The following WDR19 variants were observed in gnomAD, a reference collection of about 807,000 sequenced individuals.
WDR19 encodes the protein WD repeat-containing protein 19.
A neutral mutation model predicts 180.0 loss-of-function variants in WDR19; 121 were observed. The ratio of observed to expected loss-of-function variants is 0.67; its 90% confidence interval spans 0.58 to 0.78. The LOEUF is 0.78. Ranked by LOEUF, WDR19 falls within the 30% of genes least tolerant of loss-of-function variation. WDR19 has a pLI of 0.00. For missense variants in WDR19, 1,450 were observed against 1,640.7 expected (o/e 0.88, Z 2.01); for synonymous variants, 497 against 540.7 (o/e 0.92, Z 1.12).
chr4:39,253,208 A>C lies in WDR19; in HGVS notation c.2792A>C (p.Tyr931Ser), dbSNP rs187546086. 9,044 of 1,613,688 alleles carry C rather than the reference A, an allele frequency of 5.6e-3. 31 individuals carry two copies. Among genetic ancestry groups the C allele is most frequent in the Non-Finnish European group, 7.4e-3 (8,717 of 1,179,762 alleles). ...AKQWQSVIRI[Y>S]LDHLNNPEKA... ...CAGTGGCAAAGTGTAATCCGCATCT[A>C]TCTGGATCACCTCAATAATCCTGAA... The change falls in exon 25 of 37, where the codon TAT (tyrosine) becomes TCT (serine). Residue 931 changes from tyrosine to serine, a missense_variant. Coordinates refer to ENST00000399820, the MANE Select transcript of WDR19 (RefSeq NM_025132.4).
chr4:39,254,094 T>C, intron 26 of WDR19, 64 bp downstream of exon 26: 3 of 1,533,182 alleles, frequency 2.0e-6, no homozygotes, highest in Non-Finnish European at 2.7e-6. Context: ...TTGTCTCTTA[T>C]GATCTAATTA....
intron 19 of WDR19, among the ~76,000 whole-genome samples, chr4:39,234,262 G>A (rs1203233970): frequency 6.6e-6 from 1 of 152,046 alleles, no homozygotes; most frequent in African/African-American, 2.4e-5. Flanking sequence ...GTACCAGGCA[G>A]AGAAAAAAGA....
intron 17 of WDR19, among the ~76,000 whole-genome samples, chr4:39,230,643 G>A (rs1408314264): frequency 6.6e-6 from 1 of 152,172 alleles, no homozygotes; most frequent in Non-Finnish European, 1.5e-5. Flanking sequence ...CTATGCTATA[G>A]TCATTTGTTT....
At chr4:39,232,763 T>TAA (rs2109370396) in intron 19 of WDR19, among the ~76,000 whole-genome samples, 1 of 152,006 alleles carries the variant, frequency 6.6e-6, no homozygotes, top group African/African-American at 2.4e-5. Flanking sequence ...TCTATATAAT[T>TAA]AAAATTTCTC....
chr4:39,255,210 T>G (rs1733629623), intron 26 of WDR19, among the ~76,000 whole-genome samples: 1 of 152,214 alleles, frequency 6.6e-6, no homozygotes, highest in Admixed American at 6.5e-5. Flanking sequence ...ATGGTTTGTC[T>G]TATATAAGAT....
At chr4:39,251,982 A>G (rs1294116103) in intron 24 of WDR19, among the ~76,000 whole-genome samples, 1 of 152,180 alleles carries the variant, frequency 6.6e-6, no homozygotes, top group Non-Finnish European at 1.5e-5. Flanking sequence ...TAGAAACACC[A>G]TTTGACCCAG....
At position 39,228,524 on chromosome 4, in the gene WDR19, T is replaced by C. The variant is rs2109358423; in HGVS notation, c.1816T>C (p.Phe606Leu). The C allele has an allele frequency of 6.2e-7, 1 of 1,613,892 alleles. No homozygotes were observed. The highest frequency in any genetic ancestry group is 8.5e-7 in the Non-Finnish European group (1 of 1,179,806). ...TTTGGCTGGTAGCACCAAAGTTCCT[T>C]TTGCTCATAAACCTTTGCTGCTATA... The part of the protein sequence containing the change: ...VILAGSTKVP[F>L]AHKPLLLYNG... The change falls in exon 17 of 37, where the codon TTT becomes CTT. Residue 606 changes from phenylalanine to leucine, a missense_variant. Transcript: ENST00000399820.
intron 9 of WDR19, among the ~76,000 whole-genome samples, chr4:39,212,134 A>G (rs572449919): frequency 6.6e-6 from 1 of 152,370 alleles, no homozygotes; most frequent in African/African-American, 2.4e-5. Flanking sequence ...AGGAAAAGAC[A>G]TATCAATCAA....
At chr4:39,254,763 G>A (rs1032240448) in intron 26 of WDR19, among the ~76,000 whole-genome samples, 2 of 152,134 alleles carry the variant, frequency 1.3e-5, no homozygotes, top group East Asian at 1.9e-4. Context: ...CCCTGTACCC[G>A]TTAAATAATA....
chr4:39,285,180 A>T (rs958944191), intron 36 of WDR19, among the ~76,000 whole-genome samples: 52 of 152,062 alleles, frequency 3.4e-4, no homozygotes, highest in African/African-American at 1.2e-3. Flanking sequence ...TTTCAGGAAA[A>T]TTTTTTCTCT....
chr4:39,242,038 C>G (rs1381297683), intron 21 of WDR19, among the ~76,000 whole-genome samples: 1 of 150,930 alleles, frequency 6.6e-6, no homozygotes, highest in Non-Finnish European at 1.5e-5. Context: ...TTCTTCATGG[C>G]CTTTCCAAGT....
At position 39,228,613 on chromosome 4, in the gene WDR19, T is replaced by A; in HGVS notation, c.1905T>A (p.His635Gln). 6.2e-7 allele frequency: 1 copy of A among 1,613,594 alleles called. No homozygotes were observed. The highest frequency in any genetic ancestry group is 1.1e-5 in the South Asian group (1 of 90,976). The change falls in exon 17 of 37, where the codon CAT (histidine) becomes CAA (glutamine). Residue 635 changes from histidine to glutamine, a missense_variant. Physicochemically the swap from His to Gln is conservative, Grantham distance 24. Coordinates refer to ENST00000399820, the MANE Select transcript of WDR19 (RefSeq NM_025132.4). ...TAAACAACATCTACCTTAGCACCCATGGCTTTCTCAGCAACTTAAAAGATA... is the reference window on the plus strand; with the variant it reads ...TAAACAACATCTACCTTAGCACCCAAGGCTTTCTCAGCAACTTAAAAGATA... ...GKVNNIYLST[H>Q]GFLSNLKDTG...
At chr4:39,193,050 G>GA (rs935692300) in intron 4 of WDR19, among the ~76,000 whole-genome samples, 2 of 151,644 alleles carry the variant, frequency 1.3e-5, no homozygotes, top group African/African-American at 4.8e-5. Context: ...TTTAAAAAAG[G>GA]AAAAAAAGAT....
At chr4:39,265,714 G>A (rs1734718900) in intron 28 of WDR19, among the ~76,000 whole-genome samples, 1 of 146,094 alleles carries the variant, frequency 6.8e-6, no homozygotes, top group South Asian at 2.2e-4. Context: ...GGAGATTGCA[G>A]TGAGCCAAGA....
At chr4:39,270,858 C>A (rs1458748033) in intron 31 of WDR19, among the ~76,000 whole-genome samples, 2 of 151,132 alleles carry the variant, frequency 1.3e-5, no homozygotes, top group South Asian at 2.1e-4. Flanking sequence ...AAAAATAATA[C>A]ATATTCCCTA....
intron 9 of WDR19, among the ~76,000 whole-genome samples, chr4:39,211,190 C>CA (rs35544828): frequency 0.03 from 4,485 of 147,446 alleles, 224 homozygotes; most frequent in African/African-American, 0.11. Flanking sequence ...AACCCTGTCT[C>CA]AAAAAAAAAA....
intron 24 of WDR19, among the ~76,000 whole-genome samples, chr4:39,252,400 C>CAT (rs1733320421): frequency 6.7e-6 from 1 of 149,850 alleles, no homozygotes. Flanking sequence ...GGTGATATAC[C>CAT]TAATGCTAAA....
intron 24 of WDR19, among the ~76,000 whole-genome samples, chr4:39,246,472 G>C (rs531814129): frequency 6.6e-6 from 1 of 152,212 alleles, no homozygotes; most frequent in Non-Finnish European, 1.5e-5. Context: ...TGAGGTACCG[G>C]GTTCATCTCA....
rs147524086 is a variant in WDR19, at chr4:39,228,414, A to G, written c.1777+57A>G. 13 of 1,602,592 alleles carry G rather than the reference A, an allele frequency of 8.1e-6. No homozygotes were observed. In the African/African-American group the frequency reaches 1.3e-4, roughly 17 times the overall value. ...CAGATGAATTTCCCATTGCAGTAAA[A>G]TTAAAACATTCTTTCTGATGTTTGT... On this transcript the variant is annotated intron_variant, in intron 16 of 36. Transcript: ENST00000399820.
Sources: allele counts gnomAD v4.1 joint callset (sites outside exome capture counted in the v4.1 genomes callset), GRCh38; gene constraint gnomAD v4.1.1; transcripts MANE v1.5; gene names NCBI Gene and HGNC (gene_info 2026-07-23, HGNC 2026-07-21).